Variants in MAGI2 observed in about 807,000 individuals in gnomAD.
The protein encoded by MAGI2 is membrane associated guanylate kinase, WW and PDZ domain containing 2.
Under a neutral mutation model 133.3 loss-of-function variants are expected in MAGI2, and 35 were observed. The ratio of observed to expected loss-of-function variants is 0.26; its 90% CI spans 0.20 to 0.35. The LOEUF is 0.35. Ranked by LOEUF, MAGI2 falls within the 10% of genes least tolerant of loss-of-function variation. The pLI is 1.00. For missense variants in MAGI2, 1,636 were observed against 1,863.4 expected, an observed-to-expected ratio of 0.88 and a Z score of 2.25; for synonymous variants, 729 against 710.6, an observed-to-expected ratio of 1.03 and a Z score of -0.41.
chr7:78,203,669 G>A (rs1005465954), intron 10 of MAGI2, among the ~76,000 whole-genome samples: 2 of 152,156 alleles, frequency 1.3e-5, no homozygotes, highest in Non-Finnish European at 2.9e-5. Flanking sequence ...AAGAAGTTGC[G>A]TGCTGCAGAG....
intron 1 of MAGI2, among the ~76,000 whole-genome samples, chr7:79,248,931 T>C (rs1208617098): frequency 6.6e-6 from 1 of 152,132 alleles, no homozygotes; most frequent in Non-Finnish European, 1.5e-5. Flanking sequence ...TGGCACAATC[T>C]CGGCTCACTG....
chr7:78,030,344 A>G lies in MAGI2; in HGVS notation c.3707-10368T>C, dbSNP rs560440831. Among the ~76,000 whole-genome samples, 176 of 152,172 alleles carry G rather than the reference A, an allele frequency of 1.2e-3. 1 individual carries two copies. The highest frequency in any genetic ancestry group is 4.1e-3 in the African/African-American group (170 of 41,522). On this transcript the variant is annotated intron_variant, in intron 21 of 21. Coordinates refer to ENST00000354212, the MANE Select transcript of MAGI2 (RefSeq NM_012301.4). ...AATGGTGCGATCTCAGCTCACTGTA[A>G]CCTCCTGGTTCAAGCGATTCTCCTG...
rs1013331978 is a variant in MAGI2 at position 78,664,165 on chromosome 7, T to A, written c.419-36926A>T. On this transcript the variant is annotated intron_variant, in intron 2 of 21. Transcript: ENST00000354212. ...CAAACCATGAATAATTATATATTAT[T>A]GAGAAGTGACACTTACATATTCATT... 2.6e-5 allele frequency among the ~76,000 whole-genome samples: 4 copies of A among 152,286 alleles called. No individual in the cohort carries two copies. In the East Asian group the frequency reaches 7.7e-4, roughly 29 times the overall value.
chr7:78,086,448 G>T (rs1816649601), intron 20 of MAGI2, among the ~76,000 whole-genome samples: 1 of 151,492 alleles, frequency 6.6e-6, no homozygotes, highest in Non-Finnish European at 1.5e-5. Context: ...TGTTGGCCAG[G>T]CTGGTCTTGA....
At chr7:79,002,594 T>C (rs1343662330) in intron 2 of MAGI2, among the ~76,000 whole-genome samples, 2 of 152,004 alleles carry the variant, frequency 1.3e-5, no homozygotes, top group Non-Finnish European at 2.9e-5. Context: ...AGTGAAATAA[T>C]TATGAAAAGT....
intron 1 of MAGI2, among the ~76,000 whole-genome samples, chr7:79,014,419 A>G (rs1026052186): frequency 2.0e-5 from 3 of 152,118 alleles, no homozygotes; most frequent in African/African-American, 7.2e-5. Context: ...AAAGTTGAAA[A>G]CAATCTCAAG....
intron 6 of MAGI2, among the ~76,000 whole-genome samples, chr7:78,386,170 T>C (rs1174415727): frequency 6.6e-6 from 1 of 152,076 alleles, no homozygotes; most frequent in East Asian, 1.9e-4. Flanking sequence ...GAATACAAAA[T>C]CCCTTTTGAT....
chr7:78,617,359 G>C (rs1584859902), intron 3 of MAGI2: 1 of 152,182 alleles, frequency 6.6e-6, no homozygotes, highest in East Asian at 1.9e-4. Flanking sequence ...CATATTTGTA[G>C]AGTGTTTCAG....
intron 9 of MAGI2, among the ~76,000 whole-genome samples, chr7:78,315,239 A>G (rs1477446348): frequency 1.3e-5 from 2 of 152,134 alleles, no homozygotes; most frequent in African/African-American, 4.8e-5. Flanking sequence ...AAGCAATATG[A>G]CCTGGTATTA....
intron 1 of MAGI2, among the ~76,000 whole-genome samples, chr7:79,242,416 C>T (rs530281123): frequency 7.2e-5 from 11 of 152,278 alleles, no homozygotes; most frequent in African/African-American, 2.4e-4. Flanking sequence ...CTTTGTTATA[C>T]TTTTCCCTAC....
chr7:78,487,721 A>G (rs1793183381), intron 6 of MAGI2, among the ~76,000 whole-genome samples: 1 of 152,082 alleles, frequency 6.6e-6, no homozygotes, highest in Non-Finnish European at 1.5e-5. Context: ...CTATCTGGCT[A>G]GCAGAGGAAG....
intron 3 of MAGI2, among the ~76,000 whole-genome samples, 155 bp downstream of exon 3, chr7:78,626,965 T>C (rs555978889): frequency 5.9e-5 from 9 of 152,060 alleles, no homozygotes; most frequent in African/African-American, 2.2e-4. Flanking sequence ...AATTGAGATG[T>C]ATTTTAACTT....
At chr7:79,217,860 GTTA>G (rs1391340981) in intron 1 of MAGI2, among the ~76,000 whole-genome samples, 1 of 151,948 alleles carries the variant, frequency 6.6e-6, no homozygotes. Context: ...ATAAATGGTG[GTTA>G]TTATTATTTA....
chr7:78,037,945 G>T (rs1009642264), intron 21 of MAGI2, among the ~76,000 whole-genome samples: 2 of 152,184 alleles, frequency 1.3e-5, no homozygotes, highest in African/African-American at 2.4e-5. Context: ...AAAACTCAGC[G>T]CTTTGTCTCT....
At chr7:79,141,789 T>C (rs543053424) in intron 1 of MAGI2, among the ~76,000 whole-genome samples, 14 of 152,238 alleles carry the variant, frequency 9.2e-5, no homozygotes, top group African/African-American at 3.1e-4. Context: ...CCATGCTCTT[T>C]TGAATTTACA....
chr7:78,754,382 T>C (rs1160094696), intron 2 of MAGI2, among the ~76,000 whole-genome samples: 1 of 150,402 alleles, frequency 6.6e-6, no homozygotes, highest in Admixed American at 6.6e-5. Flanking sequence ...AATAAATAAA[T>C]AAATAAATAA....
At chr7:78,866,111 A>G (rs1794532944) in intron 2 of MAGI2, among the ~76,000 whole-genome samples, 2 of 152,230 alleles carry the variant, frequency 1.3e-5, no homozygotes, top group Non-Finnish European at 2.9e-5. Context: ...TACTTAGTAC[A>G]TAACTTATTA....
In MAGI2 at chr7:79,088,303, C is replaced by T. The variant is rs569119740; in HGVS notation, c.302-81097G>A. Among the ~76,000 whole-genome samples the T allele has an allele frequency of 2.1e-3, 325 of 152,130 alleles. 2 individuals are homozygous for T. The highest frequency in any genetic ancestry group is 7.6e-3 in the African/African-American group (314 of 41,524). On this transcript the variant is annotated intron_variant, in intron 1 of 21. Transcript: ENST00000354212. The stretch of plus-strand genomic sequence containing the variant: ...GAATGGGAATTCACTCATGATTTGG[C>T]CCTCTGTTTGTCTGTTAATGGTGTA...
intron 9 of MAGI2, among the ~76,000 whole-genome samples, chr7:78,325,413 T>G (rs1788484353): frequency 6.6e-6 from 1 of 152,154 alleles, no homozygotes; most frequent in African/African-American, 2.4e-5. Flanking sequence ...TAAGAGATAT[T>G]AAAGCACCTT....
Sources: gnomAD v4.1 joint callset for allele counts (sites outside exome capture counted in the v4.1 genomes callset) on GRCh38, gnomAD v4.1.1 for gene constraint, MANE v1.5 for transcripts, NCBI Gene and HGNC (gene_info 2026-07-23, HGNC 2026-07-21) for gene names.